The following RIT2 variants were observed in gnomAD, a reference collection of about 807,000 sequenced individuals.
RIT2 encodes Ras like without CAAX 2.
Under a neutral mutation model 23.7 loss-of-function variants are expected in RIT2, and 24 were observed. The observed-to-expected ratio is 1.01, with a 90% confidence interval of 0.73 to 1.43. RIT2 has a LOEUF of 1.43. Ranked by LOEUF, RIT2 falls within the 40% of genes most tolerant of loss-of-function variation. RIT2 has a pLI of 0.00. For synonymous variants in RIT2, 107 were observed against 91.1 expected (o/e 1.17, Z -0.99); for missense variants, 236 against 266.9 (o/e 0.88, Z 0.81).
intron 2 of RIT2, among the ~76,000 whole-genome samples, chr18:43,018,554 C>A (rs1911525882): frequency 6.6e-6 from 1 of 151,750 alleles, no homozygotes; most frequent in African/African-American, 2.4e-5. Flanking sequence ...AGAAGGGAAC[C>A]CCCATCAGAT....
At chr18:42,843,158 C>T (rs1023724411) in intron 4 of RIT2, among the ~76,000 whole-genome samples, 12 of 152,172 alleles carry the variant, frequency 7.9e-5, no homozygotes, top group African/African-American at 2.9e-4. Flanking sequence ...ACACTCACCT[C>T]ACATAGAATG....
chr18:42,925,531 T>C (rs913636203), intron 3 of RIT2, among the ~76,000 whole-genome samples: 2 of 152,042 alleles, frequency 1.3e-5, no homozygotes, highest in African/African-American at 4.8e-5. Context: ...AGATCCATTT[T>C]ACAATTTAAA....
At chr18:42,804,892 C>T (rs187918391) in intron 4 of RIT2, among the ~76,000 whole-genome samples, 17 of 152,234 alleles carry the variant, frequency 1.1e-4, no homozygotes, top group East Asian at 5.8e-4. Flanking sequence ...TGAGATAGTG[C>T]GCAGGGCAGT....
intron 4 of RIT2, among the ~76,000 whole-genome samples, chr18:42,788,540 ACTCT>A (rs1913971943): frequency 1.3e-5 from 2 of 152,184 alleles, no homozygotes; most frequent in Non-Finnish European, 2.9e-5. Context: ...ATCATGGTTT[ACTCT>A]CAAGTGAATG....
chr18:42,947,004 G>A (rs748572287), intron 3 of RIT2, among the ~76,000 whole-genome samples: 4 of 152,114 alleles, frequency 2.6e-5, no homozygotes, highest in Non-Finnish European at 5.9e-5. Flanking sequence ...AAGAAGAGAA[G>A]TGCTATCTCT....
At chr18:42,879,238 CT>C (rs1907824308) in intron 4 of RIT2, among the ~76,000 whole-genome samples, 1 of 152,124 alleles carries the variant, frequency 6.6e-6, no homozygotes, top group African/African-American at 2.4e-5. Context: ...CAAATCACTT[CT>C]TGCCTGAATA....
chr18:43,065,257 C>A (rs1407726986), intron 1 of RIT2, among the ~76,000 whole-genome samples: 33 of 112,622 alleles, frequency 2.9e-4, no homozygotes, highest in East Asian at 2.9e-4. Context: ...GACATGGTCT[C>A]AATCTGTTGC....
Position 42,923,687 on chromosome 18 carries a change from C to A in RIT2, c.311G>T (p.Arg104Leu), listed in dbSNP as rs754435765. Residue 104 changes from arginine to leucine, a missense_variant, in exon 4 of 5, where the codon CGT becomes CTT. Arg to Leu is a moderately radical substitution (Grantham distance 102). Transcript: ENST00000326695. ...CTTGGCAGCCTCCTGAAATGATTGACGGTCAGTGACGGAGTAGCAGATGAT... is the reference window on the plus strand; with the variant it reads ...CTTGGCAGCCTCCTGAAATGATTGAAGGTCAGTGACGGAGTAGCAGATGAT... The part of the protein sequence containing the change: ...GFIICYSVTD[R>L]QSFQEAAKFK... The A allele has an allele frequency of 1.2e-6, 2 of 1,612,672 alleles. No homozygotes were observed. Among genetic ancestry groups the A allele is most frequent in the African/African-American group, 2.7e-5 (2 of 74,536 alleles).
intron 4 of RIT2, among the ~76,000 whole-genome samples, chr18:42,844,583 G>A (rs1311561020): frequency 5.9e-5 from 9 of 151,932 alleles, no homozygotes; most frequent in Non-Finnish European, 1.3e-4. Flanking sequence ...CTGAAGTCAG[G>A]ATGCCTCTCT....
intron 1 of RIT2, among the ~76,000 whole-genome samples, chr18:43,044,498 A>T (rs1912201795): frequency 6.6e-6 from 1 of 152,224 alleles, no homozygotes; most frequent in Non-Finnish European, 1.5e-5. Flanking sequence ...CCAAACCTAT[A>T]CTTCCCAGAG....
At chr18:42,849,650 A>G (rs1415207257) in intron 4 of RIT2, among the ~76,000 whole-genome samples, 3 of 152,218 alleles carry the variant, frequency 2.0e-5, no homozygotes, top group Admixed American at 6.5e-5. Context: ...GACTTCAACA[A>G]TCAGAAAAAT....
chr18:42,769,316 G>T (rs910571678), intron 4 of RIT2, among the ~76,000 whole-genome samples: 1 of 152,002 alleles, frequency 6.6e-6, no homozygotes, highest in African/African-American at 2.4e-5. Context: ...ATTCTGTAAA[G>T]ACTGAATGGG....
At chr18:43,052,807 A>T (rs1912413930) in intron 1 of RIT2, among the ~76,000 whole-genome samples, 1 of 152,064 alleles carries the variant, frequency 6.6e-6, no homozygotes, top group Admixed American at 6.6e-5. Context: ...CTAATAATAT[A>T]CATAGGTCTG....
At chr18:42,820,780 C>A (rs910025190) in intron 4 of RIT2, among the ~76,000 whole-genome samples, 7 of 152,258 alleles carry the variant, frequency 4.6e-5, no homozygotes, top group Non-Finnish European at 8.8e-5. Flanking sequence ...TGGTCTTTTT[C>A]TCCTTATCTG....
At chr18:43,115,227 C>A (rs1296995969) in intron 1 of RIT2, among the ~76,000 whole-genome samples, 190 bp downstream of exon 1, 2 of 152,138 alleles carry the variant, frequency 1.3e-5, no homozygotes, top group Non-Finnish European at 2.9e-5. Context: ...CACTGGCTGT[C>A]TGCATTATCC....
At chr18:43,002,262 G>T (rs900468332) in intron 2 of RIT2, among the ~76,000 whole-genome samples, 9 of 151,838 alleles carry the variant, frequency 5.9e-5, no homozygotes, top group African/African-American at 2.2e-4. Flanking sequence ...ACACTTAATC[G>T]GTCGAATTCT....
chr18:42,921,188 C>T (rs1025531554), intron 4 of RIT2, among the ~76,000 whole-genome samples: 14 of 152,118 alleles, frequency 9.2e-5, no homozygotes, highest in Admixed American at 6.6e-5. Flanking sequence ...AAAAACCACT[C>T]TGCAGTTTTA....
chr18:43,001,128 C>A (rs971400063), intron 2 of RIT2, among the ~76,000 whole-genome samples: 1 of 151,930 alleles, frequency 6.6e-6, no homozygotes, highest in African/African-American at 2.4e-5. Context: ...AGTGGGATAG[C>A]ACTCTGATAT....
At chr18:43,047,711 G>C (rs1452593213) in intron 1 of RIT2, among the ~76,000 whole-genome samples, 1 of 152,136 alleles carries the variant, frequency 6.6e-6, no homozygotes. Context: ...AAGGTTTGAA[G>C]CCAGGGGCTC....
Sources: allele counts gnomAD v4.1 joint callset (sites outside exome capture counted in the v4.1 genomes callset), GRCh38; gene constraint gnomAD v4.1.1; transcripts MANE v1.5; gene names NCBI Gene and HGNC (gene_info 2026-07-23, HGNC 2026-07-21).